TNNI3K: variants seen among roughly 807,000 people sequenced by gnomAD.
TNNI3K encodes serine/threonine-protein kinase TNNI3K.
In TNNI3K, 140 loss-of-function variants were observed where a neutral mutation model predicts 114.5. That is an observed-to-expected ratio of 1.22 (90% CI 1.07 to 1.41). TNNI3K has a LOEUF of 1.41. Ranked by LOEUF, TNNI3K falls within the 40% of genes most tolerant of loss-of-function variation. TNNI3K has a pLI of 0.00. For missense variants in TNNI3K, 1,125 were observed against 1,007.6 expected (o/e 1.12, Z -1.58); for synonymous variants, 347 against 347.5 (o/e 1.00, Z 0.02).
intron 23 of TNNI3K, among the ~76,000 whole-genome samples, chr1:74,499,702 G>C (rs527853755): frequency 1.2e-3 from 176 of 152,110 alleles, no homozygotes; most frequent in Middle Eastern, 3.4e-3. Flanking sequence ...ATGAGATTTT[G>C]ATTATAGATA....
intron 17 of TNNI3K, among the ~76,000 whole-genome samples, chr1:74,398,123 G>A (rs940203182): frequency 3.9e-5 from 6 of 152,252 alleles, no homozygotes; most frequent in Non-Finnish European, 7.3e-5. Flanking sequence ...GGAAACAGGT[G>A]TGGGGATAAA....
chr1:74,242,489 A>G (rs187510852), intron 2 of TNNI3K, among the ~76,000 whole-genome samples: 30 of 152,328 alleles, frequency 2.0e-4, no homozygotes, highest in African/African-American at 6.5e-4. Context: ...GGCTATTATA[A>G]GATGAATAGC....
chr1:74,410,629 AACC>A (rs575168129), intron 17 of TNNI3K, among the ~76,000 whole-genome samples: 67 of 152,360 alleles, frequency 4.4e-4, no homozygotes, highest in African/African-American at 1.5e-3. Context: ...TGCAAAACTA[AACC>A]ATGAAAGACT....
intron 20 of TNNI3K, among the ~76,000 whole-genome samples, chr1:74,453,358 T>G (rs912754096): frequency 2.6e-5 from 4 of 152,196 alleles, no homozygotes; most frequent in African/African-American, 9.6e-5. Context: ...AAACAAGATG[T>G]CTAATATCAT....
chr1:74,294,786 G>A (rs576438939), intron 5 of TNNI3K, among the ~76,000 whole-genome samples: 1 of 151,742 alleles, frequency 6.6e-6, no homozygotes, highest in South Asian at 2.1e-4. Flanking sequence ...TTTTCCTCAG[G>A]TATCTGGTCA....
At chr1:74,502,287 T>A (rs72977502) in intron 23 of TNNI3K, among the ~76,000 whole-genome samples, 1 of 152,178 alleles carries the variant, frequency 6.6e-6, no homozygotes, top group African/African-American at 2.4e-5. Context: ...GCCCGGTACA[T>A]GGTAGGTGCC....
At chr1:74,440,157 A>G (rs2100671392) in intron 20 of TNNI3K, among the ~76,000 whole-genome samples, 1 of 152,202 alleles carries the variant, frequency 6.6e-6, no homozygotes, top group East Asian at 1.9e-4. Context: ...GCTTTCATTG[A>G]TGATACACAT....
intron 2 of TNNI3K, chr1:74,239,966 G>A (rs984797597): frequency 1.3e-5 from 6 of 470,094 alleles, no homozygotes; most frequent in Admixed American, 9.4e-5. Context: ...GTAATGGATT[G>A]GTGACAGGAA....
intron 2 of TNNI3K, among the ~76,000 whole-genome samples, chr1:74,249,222 C>T (rs1465431748): frequency 6.6e-6 from 1 of 151,536 alleles, no homozygotes; most frequent in African/African-American, 2.4e-5. Flanking sequence ...TCTGGAGCAA[C>T]TATTGGAATC....
chr1:74,337,298 G>A (rs1381051405), intron 7 of TNNI3K, among the ~76,000 whole-genome samples: 2 of 151,276 alleles, frequency 1.3e-5, no homozygotes, highest in Non-Finnish European at 3.0e-5. Context: ...CATTTTGTAG[G>A]TTGCCTGTTC....
intron 4 of TNNI3K, among the ~76,000 whole-genome samples, chr1:74,266,358 G>A (rs950777940): frequency 6.6e-6 from 1 of 151,952 alleles, no homozygotes; most frequent in Non-Finnish European, 1.5e-5. Flanking sequence ...GATTTGTTAC[G>A]TTATAGATCA....
intron 17 of TNNI3K, among the ~76,000 whole-genome samples, chr1:74,386,503 C>T (rs1663486199): frequency 6.6e-6 from 1 of 151,776 alleles, no homozygotes; most frequent in Admixed American, 6.6e-5. Flanking sequence ...GATACAGTAA[C>T]TCAGAAAAAA....
intron 5 of TNNI3K, among the ~76,000 whole-genome samples, chr1:74,285,797 T>C (rs966241800): frequency 6.6e-6 from 1 of 152,164 alleles, no homozygotes; most frequent in Non-Finnish European, 1.5e-5. Flanking sequence ...CAGAAGAGAT[T>C]ATAATGATAC....
At chr1:74,530,463 A>C (rs1646566916) in intron 23 of TNNI3K, among the ~76,000 whole-genome samples, 1 of 152,194 alleles carries the variant, frequency 6.6e-6, no homozygotes. Flanking sequence ...AGTATCGAGT[A>C]GAGTCCCTGG....
chr1:74,480,149 A>C (rs1206032319), intron 21 of TNNI3K: 1 of 713,938 alleles, frequency 1.4e-6, no homozygotes, highest in South Asian at 1.5e-5. Context: ...TCTCCCCGGC[A>C]TACCTGCGAA....
chr1:74,314,406 G>T (rs895105909), intron 5 of TNNI3K, among the ~76,000 whole-genome samples: 1 of 151,712 alleles, frequency 6.6e-6, no homozygotes, highest in Non-Finnish European at 1.5e-5. Flanking sequence ...AAATAAAGTC[G>T]CTTTCTTTGT....
chr1:74,505,421 A>T (rs1219504706), intron 23 of TNNI3K, among the ~76,000 whole-genome samples: 1 of 152,234 alleles, frequency 6.6e-6, no homozygotes, highest in Admixed American at 6.5e-5. Context: ...CTATGTTCGC[A>T]GCAATAAGAA....
intron 4 of TNNI3K, among the ~76,000 whole-genome samples, chr1:74,259,096 A>G (rs1309149960): frequency 6.6e-6 from 1 of 152,200 alleles, no homozygotes; most frequent in Non-Finnish European, 1.5e-5. Context: ...AGGCGTTTCT[A>G]GAGAAATTTA....
intron 4 of TNNI3K, among the ~76,000 whole-genome samples, chr1:74,271,126 C>G (rs1390257574): frequency 6.6e-6 from 1 of 151,744 alleles, no homozygotes; most frequent in East Asian, 1.9e-4. Context: ...ATGAAACAGC[C>G]TACTGGGCTG....
Sources: allele counts gnomAD v4.1 joint callset (sites outside exome capture counted in the v4.1 genomes callset), GRCh38; gene constraint gnomAD v4.1.1; transcripts MANE v1.5; gene names NCBI Gene and HGNC (gene_info 2026-07-23, HGNC 2026-07-21).